The following DEPDC5 variants were observed in gnomAD, a reference collection of about 807,000 sequenced individuals.
The protein encoded by DEPDC5 is GATOR1 complex protein DEPDC5.
A neutral mutation model predicts 217.3 loss-of-function variants in DEPDC5; 73 were observed. The ratio of observed to expected loss-of-function variants is 0.34; its 90% confidence interval spans 0.28 to 0.41. The LOEUF is 0.41. Ranked by LOEUF, DEPDC5 falls within the 10% of genes least tolerant of loss-of-function variation. The pLI, the probability that DEPDC5 is intolerant of heterozygous loss-of-function variation, is 1.00. For synonymous variants in DEPDC5, 733 were observed against 756.7 expected, an observed-to-expected ratio of 0.97 and a Z score of 0.51; for missense variants, 1,675 against 2,070.1, an observed-to-expected ratio of 0.81 and a Z score of 3.70.
At chr22:31,894,311 T>C (rs1239670883) in intron 39 of DEPDC5, 1 of 152,156 alleles carries the variant, frequency 6.6e-6, no homozygotes. Context: ...ACTACTTACA[T>C]TGCATTTTTT....
At chr22:31,785,587 C>CT (rs138287) in intron 10 of DEPDC5, among the ~76,000 whole-genome samples, 8,531 of 144,506 alleles carry the variant, frequency 0.059, 262 homozygotes, top group South Asian at 0.072. Context: ...ATACCAGTGC[C>CT]TTTTTTTTTT....
intron 31 of DEPDC5, among the ~76,000 whole-genome samples, chr22:31,853,843 A>G (rs1170724771): frequency 1.3e-5 from 2 of 152,164 alleles, no homozygotes; most frequent in Non-Finnish European, 2.9e-5. Context: ...ACCAAAGCAG[A>G]TGGACATTCA....
intron 31 of DEPDC5, 102 bp downstream of exon 31, chr22:31,847,069 G>C: frequency 2.0e-6 from 3 of 1,522,572 alleles, no homozygotes; most frequent in African/African-American, 1.4e-5. Context: ...TTTACAAGGA[G>C]CTTGTAATTA....
At chr22:31,886,755 CAAAA>C (rs1224610835) in intron 38 of DEPDC5, among the ~76,000 whole-genome samples, 5 of 52,120 alleles carry the variant, frequency 9.6e-5, no homozygotes, top group African/African-American at 1.7e-4. Flanking sequence ...GTCTCCATCT[CAAAA>C]AAAAAAAAAA....
intron 19 of DEPDC5, 52 bp from the exon 20 acceptor site, chr22:31,810,469 G>C: frequency 6.2e-7 from 1 of 1,609,298 alleles, no homozygotes; most frequent in South Asian, 1.1e-5. Flanking sequence ...CAGCTCTCAG[G>C]CATGTGTTTG....
At position 31,870,000 on chromosome 22, in the gene DEPDC5, C is replaced by T. The variant is rs191837238; in HGVS notation, c.3331-590C>T. 4.9e-3 allele frequency among the ~76,000 whole-genome samples: 739 copies of T among 152,168 alleles called. 8 individuals carry two copies. Among genetic ancestry groups the T allele is most frequent in the African/African-American group, 0.017 (699 of 41,512 alleles). On this transcript the variant is annotated intron_variant, in intron 33 of 42. Transcript: ENST00000651528. Reference sequence around the variant, plus strand: ...GCATGTGAATCTGCAGAGGGCAGGCCGTGGGACTAGGCCTGTCTTTAGATG... The same window carrying T: ...GCATGTGAATCTGCAGAGGGCAGGCTGTGGGACTAGGCCTGTCTTTAGATG...
At position 31,794,453 on chromosome 22, in the gene DEPDC5, T is replaced by C. The variant is rs117819514; in HGVS notation, c.767+1636T>C. 7.9e-3 allele frequency among the ~76,000 whole-genome samples: 1,210 copies of C among 152,324 alleles called. 4 individuals carry two copies. Among genetic ancestry groups the C allele is most frequent in the Non-Finnish European group, 0.012 (846 of 68,034 alleles). On this transcript the variant is annotated intron_variant, in intron 12 of 42. Transcript: ENST00000651528. ...TGAATATATGAATTATGAATGTAGA[T>C]TTATAGGTGTATATGACTATATATT... is the stretch of plus-strand genomic sequence containing the variant.
chr22:31,871,884 A>C (rs1284158902), intron 34 of DEPDC5, among the ~76,000 whole-genome samples: 1 of 152,238 alleles, frequency 6.6e-6, no homozygotes, highest in Non-Finnish European at 1.5e-5. Flanking sequence ...AGAGGTGCCA[A>C]GTTCTTTGCC....
intron 14 of DEPDC5, among the ~76,000 whole-genome samples, chr22:31,800,848 C>A (rs1332155002): frequency 2.0e-5 from 3 of 151,850 alleles, no homozygotes; most frequent in African/African-American, 7.3e-5. Flanking sequence ...TGGTGGCGCA[C>A]ACCTGTAATC....
chr22:31,763,359 A>G (rs1244462642), intron 4 of DEPDC5, among the ~76,000 whole-genome samples: 1 of 151,446 alleles, frequency 6.6e-6, no homozygotes, highest in African/African-American at 2.4e-5. Context: ...TCCTCACCCC[A>G]GGTGATCTGC....
At chr22:31,776,971 T>C (rs1418019984) in intron 7 of DEPDC5, among the ~76,000 whole-genome samples, 1 of 143,100 alleles carries the variant, frequency 7.0e-6, no homozygotes, top group Non-Finnish European at 1.5e-5. Flanking sequence ...TTATTATTAT[T>C]TTTTTTTTTG....
At chr22:31,757,960 C>T (rs1302084630) in intron 2 of DEPDC5, among the ~76,000 whole-genome samples, 3 of 152,020 alleles carry the variant, frequency 2.0e-5, no homozygotes, top group Admixed American at 1.3e-4. Context: ...GACGGGGTTT[C>T]GCCATGTTCG....
In DEPDC5 at chr22:31,874,391, A is replaced by G; in HGVS notation, c.3682A>G (p.Ile1228Val). 6 of 1,612,302 alleles carry G rather than the reference A, an allele frequency of 3.7e-6. No homozygotes were observed. The highest frequency in any genetic ancestry group is 3.3e-5 in the South Asian group (3 of 90,524). The change falls in exon 36 of 43, where the codon ATT becomes GTT. Residue 1228 changes from isoleucine (I) to valine (V), a missense_variant. Ile to Val is a conservative substitution (Grantham distance 29). Transcript: ENST00000651528. Reference protein sequence around the residue: ...VEGIQTQAMAIDIMQKMLEEQ... With the variant: ...VEGIQTQAMAVDIMQKMLEEQ... ...GGGGATCCAGACACAGGCGATGGCCATTGACATCATGCAGGTGAGACAGCA... is the reference window on the plus strand; with the variant it reads ...GGGGATCCAGACACAGGCGATGGCCGTTGACATCATGCAGGTGAGACAGCA...
At chr22:31,767,966 C>T (rs953355224) in intron 6 of DEPDC5, among the ~76,000 whole-genome samples, 5 of 149,886 alleles carry the variant, frequency 3.3e-5, no homozygotes, top group East Asian at 2.0e-4. Flanking sequence ...AGGATGGTCT[C>T]GATCTCCTGA....
intron 39 of DEPDC5, among the ~76,000 whole-genome samples, chr22:31,895,427 C>A (rs1729449643): frequency 6.6e-6 from 1 of 152,210 alleles, no homozygotes; most frequent in South Asian, 2.1e-4. Context: ...ACCTGACCAT[C>A]CCCCATCGCA....
rs1395032934 is a variant in DEPDC5, at chr22:31,804,211, C to T, written c.1131C>T (p.Val377=). 2 of 1,613,942 alleles carry T rather than the reference C, an allele frequency of 1.2e-6. No individual in the cohort carries two copies. Among genetic ancestry groups the T allele is most frequent in the Non-Finnish European group, 1.7e-6 (2 of 1,179,986 alleles). The change falls in exon 16 of 43, where the codon GTC becomes GTT. Residue 377 remains valine (V), a synonymous_variant. Coordinates refer to ENST00000651528, the MANE Select transcript of DEPDC5 (RefSeq NM_001242896.3). The stretch of plus-strand genomic sequence containing the variant: ...TGGGAGAGCAACCGTTACATGCTGT[C>T]CCATTGTTCAAGGTAATTAGATTTC... ...VCMGEQPLHA[V]PLFKLHNRSA...
At chr22:31,779,849 TA>T (rs1356634330) in intron 8 of DEPDC5, among the ~76,000 whole-genome samples, 1 of 152,180 alleles carries the variant, frequency 6.6e-6, no homozygotes, top group African/African-American at 2.4e-5. Context: ...AGAGCTGATA[TA>T]ATCACCTCCA....
chr22:31,767,465 T>C (rs1222109867), intron 6 of DEPDC5, among the ~76,000 whole-genome samples: 1 of 152,060 alleles, frequency 6.6e-6, no homozygotes, highest in Non-Finnish European at 1.5e-5. Flanking sequence ...CTGGCTAATT[T>C]TGTGTTTTTA....
At chr22:31,856,280 G>A (rs1218593204) in intron 31 of DEPDC5, among the ~76,000 whole-genome samples, 3 of 151,562 alleles carry the variant, frequency 2.0e-5, no homozygotes, top group Admixed American at 2.0e-4. Flanking sequence ...AGCCCATGCA[G>A]CTGGGGCTGT....
Sources: gnomAD v4.1 joint callset for allele counts (sites outside exome capture counted in the v4.1 genomes callset) on GRCh38, gnomAD v4.1.1 for gene constraint, MANE v1.5 for transcripts, NCBI Gene and HGNC (gene_info 2026-07-23, HGNC 2026-07-21) for gene names.